Variants in KCNT2 observed in about 807,000 individuals in gnomAD.
The protein encoded by KCNT2 is potassium channel subfamily T member 2.
Under a neutral mutation model 153.8 loss-of-function variants are expected in KCNT2, and 67 were observed. The observed-to-expected ratio is 0.44, with a 90% CI of 0.36 to 0.53. The LOEUF (loss-of-function observed/expected upper bound fraction) is 0.53. KCNT2 is among the 20% of genes least tolerant of loss of function. The pLI is 0.00. For synonymous variants in KCNT2, 500 were observed against 458.8 expected (o/e 1.09, Z -1.15); for missense variants, 975 against 1,354.8 (o/e 0.72, Z 4.40).
At chr1:196,468,580 A>T (rs1368472143) in intron 6 of KCNT2, among the ~76,000 whole-genome samples, 1 of 152,034 alleles carries the variant, frequency 6.6e-6, no homozygotes, top group Non-Finnish European at 1.5e-5. Flanking sequence ...TAAAAACAGA[A>T]CTAGACTTAA....
At chr1:196,411,126 C>G (rs541206507) in intron 12 of KCNT2, among the ~76,000 whole-genome samples, 203 of 139,870 alleles carry the variant, frequency 1.5e-3, no homozygotes, top group Non-Finnish European at 2.4e-3. Flanking sequence ...TCCTTCCTCC[C>G]TTCTTTCCTA....
intron 25 of KCNT2, among the ~76,000 whole-genome samples, chr1:196,259,075 T>A (rs1656772700): frequency 6.6e-6 from 1 of 152,166 alleles, no homozygotes; most frequent in Non-Finnish European, 1.5e-5. Flanking sequence ...CATTTATTAT[T>A]AACCATATAA....
intron 21 of KCNT2, among the ~76,000 whole-genome samples, chr1:196,310,753 T>C (rs914279927): frequency 6.6e-6 from 1 of 151,944 alleles, no homozygotes; most frequent in Non-Finnish European, 1.5e-5. Context: ...TGGTCGGCTC[T>C]CACCCACTCT....
At chr1:196,371,693 C>T (rs1479777274) in intron 14 of KCNT2, among the ~76,000 whole-genome samples, 1 of 151,966 alleles carries the variant, frequency 6.6e-6, no homozygotes, top group Non-Finnish European at 1.5e-5. Context: ...TGGGAAACGT[C>T]TTATTCTAAG....
intron 22 of KCNT2, among the ~76,000 whole-genome samples, chr1:196,298,000 CT>C (rs1404504417): frequency 7.9e-5 from 12 of 152,176 alleles, no homozygotes; most frequent in South Asian, 2.1e-4. Flanking sequence ...TAAATTTTGC[CT>C]TCTTACTATT....
chr1:196,362,277 T>G (rs1667698162), intron 14 of KCNT2, among the ~76,000 whole-genome samples: 1 of 152,112 alleles, frequency 6.6e-6, no homozygotes, highest in Non-Finnish European at 1.5e-5. Context: ...TTCCTGTCAT[T>G]ACCTCCTTCC....
intron 1 of KCNT2, among the ~76,000 whole-genome samples, chr1:196,495,203 G>A (rs1160734395): frequency 4.0e-5 from 6 of 151,642 alleles, no homozygotes; most frequent in Non-Finnish European, 8.8e-5. Flanking sequence ...TTTGATACAT[G>A]ACTTATACTG....
At chr1:196,262,924 A>T (rs1353410526) in intron 25 of KCNT2, among the ~76,000 whole-genome samples, 1 of 152,158 alleles carries the variant, frequency 6.6e-6, no homozygotes, top group Non-Finnish European at 1.5e-5. Context: ...AATTTTAGAC[A>T]GGAAAATACC....
chr1:196,458,355 A>G (rs1676861571), intron 8 of KCNT2, among the ~76,000 whole-genome samples: 1 of 152,014 alleles, frequency 6.6e-6, no homozygotes, highest in African/African-American at 2.4e-5. Context: ...TCTCATGAAG[A>G]ATGTTGGATT....
At chr1:196,473,232 C>T (rs971451663) in intron 5 of KCNT2, among the ~76,000 whole-genome samples, 1 of 152,142 alleles carries the variant, frequency 6.6e-6, no homozygotes, top group African/African-American at 2.4e-5. Context: ...ACTTTCCTTG[C>T]CCCTTCATCA....
At chr1:196,398,914 CA>C (rs1302761959) in intron 12 of KCNT2, among the ~76,000 whole-genome samples, 1 of 151,518 alleles carries the variant, frequency 6.6e-6, no homozygotes, top group Admixed American at 6.6e-5. Flanking sequence ...AATAGCTAGA[CA>C]GACTTAAAAA....
Position 196,489,857 on chromosome 1 carries a change from G to T in KCNT2, c.256C>A (p.Pro86Thr). The T allele has an allele frequency of 6.4e-7, 1 of 1,567,082 alleles. No individual in the cohort carries two copies. The highest frequency in any genetic ancestry group is 8.7e-7 in the Non-Finnish European group (1 of 1,151,634). The change falls in exon 3 of 28, where the codon CCT becomes ACT. Residue 86 changes from proline (P) to threonine (T), a missense_variant. By Grantham distance (38) the Pro-to-Thr change is conservative. Transcript: ENST00000294725. ...LYIIRVLLEN[P>T]SQGNEWSHIF... ...CCTTACCATTCATTTCCTTGTGAAGGGTTTTCTAGTAGTACTCGGATTATG... is the reference window on the plus strand; with the variant it reads ...CCTTACCATTCATTTCCTTGTGAAGTGTTTTCTAGTAGTACTCGGATTATG...
chr1:196,243,219 A>C (rs897907927), intron 26 of KCNT2, among the ~76,000 whole-genome samples: 2 of 152,048 alleles, frequency 1.3e-5, no homozygotes, highest in Admixed American at 1.3e-4. Context: ...TAATATAGCC[A>C]CTCTAGCTTT....
chr1:196,442,696 A>C (rs1327788614), intron 8 of KCNT2, among the ~76,000 whole-genome samples: 5 of 151,712 alleles, frequency 3.3e-5, no homozygotes, highest in Non-Finnish European at 5.9e-5. Context: ...TAAAAACAAA[A>C]CAACAACAAC....
chr1:196,559,212 C>G (rs1315746462), intron 1 of KCNT2, among the ~76,000 whole-genome samples: 1 of 151,558 alleles, frequency 6.6e-6, no homozygotes, highest in Non-Finnish European at 1.5e-5. Flanking sequence ...ATGGAATGCT[C>G]TTTCTCTTAT....
chr1:196,587,482 T>A (rs1662828108), intron 1 of KCNT2, among the ~76,000 whole-genome samples: 1 of 152,060 alleles, frequency 6.6e-6, no homozygotes, highest in East Asian at 1.9e-4. Context: ...ATTATTTAAT[T>A]GCTACCATAA....
At chr1:196,589,162 C>T (rs1329010441) in intron 1 of KCNT2, among the ~76,000 whole-genome samples, 1 of 151,708 alleles carries the variant, frequency 6.6e-6, no homozygotes, top group East Asian at 1.9e-4. Context: ...GTTTACGTAA[C>T]AATATGTTAA....
intron 8 of KCNT2, among the ~76,000 whole-genome samples, chr1:196,439,807 A>T (rs1246937695): frequency 6.6e-6 from 1 of 151,944 alleles, no homozygotes; most frequent in Non-Finnish European, 1.5e-5. Context: ...TTCCAAAACA[A>T]TAGTAATATG....
chr1:196,480,169 T>C (rs1323597596), intron 4 of KCNT2, among the ~76,000 whole-genome samples: 1 of 152,150 alleles, frequency 6.6e-6, no homozygotes, highest in Non-Finnish European at 1.5e-5. Context: ...AACCTTAGGA[T>C]AGATAAATAG....
Sources: allele counts gnomAD v4.1 joint callset (sites outside exome capture counted in the v4.1 genomes callset), GRCh38; gene constraint gnomAD v4.1.1; transcripts MANE v1.5; gene names NCBI Gene and HGNC (gene_info 2026-07-23, HGNC 2026-07-21).